Variants in PHLDB2 observed in about 807,000 individuals in gnomAD.
PHLDB2 encodes the protein pleckstrin homology-like domain family B member 2.
Under a neutral mutation model 123.6 loss-of-function variants are expected in PHLDB2, and 71 were observed. That is an observed-to-expected ratio of 0.57 (90% CI 0.47 to 0.70). PHLDB2 has a LOEUF of 0.70. Ranked by LOEUF, PHLDB2 falls within the 30% of genes least tolerant of loss-of-function variation. PHLDB2 has a pLI of 0.00. For synonymous variants in PHLDB2, 547 were observed against 541.6 expected, an observed-to-expected ratio of 1.01 and a Z score of -0.14; for missense variants, 1,446 against 1,519.5, an observed-to-expected ratio of 0.95 and a Z score of 0.80.
intron 1 of PHLDB2, among the ~76,000 whole-genome samples, chr3:111,785,296 C>A (rs2060637370): frequency 6.6e-6 from 1 of 152,038 alleles, no homozygotes; most frequent in African/African-American, 2.4e-5. Context: ...TTCTCAAGGG[C>A]TCTTGAGATA....
intron 1 of PHLDB2, among the ~76,000 whole-genome samples, chr3:111,810,920 G>T (rs1264258655): frequency 6.6e-6 from 1 of 152,218 alleles, no homozygotes; most frequent in East Asian, 1.9e-4. Context: ...GGGATGTACA[G>T]TTGTATCTGC....
chr3:111,751,051 A>C (rs2059763531), intron 1 of PHLDB2, among the ~76,000 whole-genome samples: 1 of 152,104 alleles, frequency 6.6e-6, no homozygotes, highest in African/African-American at 2.4e-5. Flanking sequence ...GCTGCAGGTA[A>C]TCATTTTCAT....
rs1012910666 is a variant in PHLDB2 at position 111,764,745 on chromosome 3, C to T, written c.-49+32042C>T. Among the ~76,000 whole-genome samples, 7 of 152,284 alleles carry T rather than the reference C, an allele frequency of 4.6e-5. No individual in the cohort carries two copies. The South Asian group carries it at 6.2e-4, about 14-fold the overall frequency. ...CTGTATTAAAGCTAGGCTCCAAGGG[C>T]GCCTTTAATGGAGAACACAATAGGA... is the stretch of plus-strand genomic sequence containing the variant. On this transcript the variant is annotated intron_variant, in intron 1 of 17. Transcript: ENST00000393923.
At chr3:111,931,753 G>A (rs754621678) in intron 5 of PHLDB2, among the ~76,000 whole-genome samples, 5 of 152,168 alleles carry the variant, frequency 3.3e-5, no homozygotes, top group Non-Finnish European at 7.3e-5. Context: ...CAGATGACGG[G>A]GATGTCAATT....
intron 2 of PHLDB2, among the ~76,000 whole-genome samples, chr3:111,907,239 A>G (rs1275245555): frequency 6.6e-6 from 1 of 152,188 alleles, no homozygotes; most frequent in African/African-American, 2.4e-5. Flanking sequence ...AATTCACTAG[A>G]AAGACTCACA....
At chr3:111,865,562 A>C (rs2065028012) in intron 1 of PHLDB2, among the ~76,000 whole-genome samples, 1 of 152,160 alleles carries the variant, frequency 6.6e-6, no homozygotes, top group Non-Finnish European at 1.5e-5. Flanking sequence ...CACCATGTTG[A>C]GTATGGAGAA....
intron 1 of PHLDB2, among the ~76,000 whole-genome samples, chr3:111,780,331 GAAGAAGAAGAAGAAGAAGAAGAAGAA>G (rs2060381838): frequency 9.6e-5 from 1 of 10,440 alleles, no homozygotes; most frequent in African/African-American, 1.4e-4. Flanking sequence ...GGAAGAAGAA[GAAGAAGAAGAAGAAGAAGAAGAAGAA>G]GAAGAAGAAG....
At chr3:111,752,017 G>A (rs1322264545) in intron 1 of PHLDB2, among the ~76,000 whole-genome samples, 1 of 152,116 alleles carries the variant, frequency 6.6e-6, no homozygotes, top group African/African-American at 2.4e-5. Context: ...TTTTAAACTG[G>A]CTTAGAACAC....
intron 1 of PHLDB2, among the ~76,000 whole-genome samples, chr3:111,827,502 C>A (rs1288211386): frequency 6.6e-6 from 1 of 152,052 alleles, no homozygotes; most frequent in African/African-American, 2.4e-5. Context: ...GGTGAAACCC[C>A]ATCTCTACTA....
rs537006587 is a variant in PHLDB2 at position 111,739,128 on chromosome 3, G to A, written c.-49+6425G>A. Among the ~76,000 whole-genome samples the A allele has an allele frequency of 2.6e-5, 4 of 152,152 alleles. No homozygotes were observed. The East Asian group carries it at 5.8e-4, about 22-fold the overall frequency. On this transcript the variant is annotated intron_variant, in intron 1 of 17. Transcript: ENST00000393923. ...AAGTTTACTTCAGAAAGTTCTTTACGGAAAATACAGAAATAATTTTAATTT... is the reference window on the plus strand; with the variant it reads ...AAGTTTACTTCAGAAAGTTCTTTACAGAAAATACAGAAATAATTTTAATTT...
intron 1 of PHLDB2, among the ~76,000 whole-genome samples, chr3:111,819,330 AC>A (rs1325804937): frequency 6.6e-6 from 1 of 152,190 alleles, no homozygotes. Context: ...GAGACTTCAA[AC>A]ATGTAGAATT....
At chr3:111,809,594 T>A (rs1418777890) in intron 1 of PHLDB2, among the ~76,000 whole-genome samples, 1 of 152,248 alleles carries the variant, frequency 6.6e-6, no homozygotes, top group Non-Finnish European at 1.5e-5. Flanking sequence ...GTATATCAGG[T>A]CTTTGACCCT....
At position 111,884,178 on chromosome 3, in the gene PHLDB2, T is replaced by C; in HGVS notation, c.101T>C (p.Met34Thr). The C allele has an allele frequency of 6.2e-7, 1 of 1,614,158 alleles. No homozygotes were observed. Among genetic ancestry groups the C allele is most frequent in the Non-Finnish European group, 8.5e-7 (1 of 1,180,030 alleles). The change falls in exon 2 of 18, where the codon ATG becomes ACG. Residue 34 changes from methionine to threonine, a missense_variant. Around this residue, in one of 3 missense-constraint regions of PHLDB2, gnomAD observed 832 missense variants for 831.9 expected, o/e 1.00. Coordinates refer to ENST00000431670, the MANE Select transcript of PHLDB2 (RefSeq NM_001134438.2). ...TCTGTTGAGAACGATTCCCAAAACA[T>C]GATGGAGAGCCTCAGCCCAAAGAAA... ...VHSVENDSQN[M>T]MESLSPKKYS...
Position 111,884,186 on chromosome 3 carries a change from A to C in PHLDB2, c.109A>C (p.Ser37Arg). 6.2e-7 allele frequency: 1 copy of C among 1,614,172 alleles called. No individual in the cohort carries two copies. The highest frequency in any genetic ancestry group is 2.2e-5 in the East Asian group (1 of 44,886). ...GAACGATTCCCAAAACATGATGGAG[A>C]GCCTCAGCCCAAAGAAATACTCTTC... ...VENDSQNMME[S>R]LSPKKYSSSL... is the part of the protein sequence containing the mutation. The change falls in exon 2 of 18, where the codon AGC (serine) becomes CGC (arginine). Residue 37 changes from serine (S) to arginine (R), a missense_variant. Ser to Arg is a moderately radical substitution (Grantham distance 110). Around this residue, in one of 3 missense-constraint regions of PHLDB2, gnomAD observed 832 missense variants for 831.9 expected, o/e 1.00. Coordinates refer to ENST00000431670, the MANE Select transcript of PHLDB2 (RefSeq NM_001134438.2).
chr3:111,857,739 C>T (rs566756825), upstream of PHLDB2, among the ~76,000 whole-genome samples: 1 of 152,234 alleles, frequency 6.6e-6, no homozygotes, highest in East Asian at 1.9e-4. Context: ...AAATGCAAAT[C>T]AAAACCACAA....
intron 1 of PHLDB2, among the ~76,000 whole-genome samples, chr3:111,759,692 A>C (rs1576528855): frequency 6.6e-6 from 1 of 152,370 alleles, no homozygotes; most frequent in East Asian, 1.9e-4. Context: ...ATCAGTCATC[A>C]TGCAACCCTA....
At chr3:111,960,584 A>T (rs1015924497) in intron 12 of PHLDB2, among the ~76,000 whole-genome samples, 1 of 152,226 alleles carries the variant, frequency 6.6e-6, no homozygotes, top group Non-Finnish European at 1.5e-5. Context: ...TTCTATTTTT[A>T]AATGGAAATG....
intron 2 of PHLDB2, among the ~76,000 whole-genome samples, chr3:111,903,096 T>C (rs1414654481): frequency 1.3e-5 from 2 of 152,188 alleles, no homozygotes; most frequent in East Asian, 1.9e-4. Flanking sequence ...TGAGATAAGA[T>C]TAAAAGAACT....
chr3:111,773,146 T>A (rs988874722), intron 1 of PHLDB2, among the ~76,000 whole-genome samples: 8 of 152,206 alleles, frequency 5.3e-5, no homozygotes, highest in African/African-American at 1.9e-4. Context: ...ATCTCAGTGC[T>A]CTGATAGCAT....
Sources: allele counts gnomAD v4.1 joint callset (sites outside exome capture counted in the v4.1 genomes callset), GRCh38; gene constraint gnomAD v4.1.1; regional missense constraint gnomAD v4.1.1; transcripts MANE v1.5; gene names NCBI Gene and HGNC (gene_info 2026-07-23, HGNC 2026-07-21).